Variants in ADGRG2 observed in about 807,000 individuals in gnomAD.
ADGRG2 encodes adhesion G protein-coupled receptor G2.
A neutral mutation model predicts 74.1 loss-of-function variants in ADGRG2; 26 were observed. That is an observed-to-expected ratio of 0.35 (90% CI 0.26 to 0.49). The LOEUF (loss-of-function observed/expected upper bound fraction) is 0.49. Among genes scored for constraint, ADGRG2 ranks in the 20% least tolerant of loss-of-function variants. The probability of loss-of-function intolerance (pLI) is 0.99; values close to 1 mark genes in which losing one functional copy is unlikely to be tolerated. For missense variants in ADGRG2, 619 were observed against 763.1 expected (o/e 0.81, Z 2.22); for synonymous variants, 296 against 295.2 (o/e 1.00, Z -0.03).
chrX:19,074,231 C>T (rs1008255553), intron 2 of ADGRG2, among the ~76,000 whole-genome samples: 1 of 110,329 alleles, frequency 9.1e-6, no homozygotes, highest in Non-Finnish European at 1.9e-5. Context: ...AAAGCATTTT[C>T]TTATTATTAT....
chrX:19,119,353 C>T (rs2062576705), intron 1 of ADGRG2, among the ~76,000 whole-genome samples: 1 of 112,130 alleles, frequency 8.9e-6, no homozygotes, highest in Admixed American at 9.5e-5. Flanking sequence ...CCACCTCACA[C>T]CACAATCCCA....
At chrX:19,114,470 C>T (rs2062475076) in intron 1 of ADGRG2, among the ~76,000 whole-genome samples, 1 of 111,402 alleles carries the variant, frequency 9.0e-6, no homozygotes, top group South Asian at 3.8e-4. Flanking sequence ...TCAAGCTCCC[C>T]CAGTGATTCC....
intron 1 of ADGRG2, among the ~76,000 whole-genome samples, chrX:19,115,449 C>T (rs1305238270): frequency 1.8e-5 from 2 of 111,794 alleles, no homozygotes; most frequent in Admixed American, 1.9e-4. Flanking sequence ...AGGGAATGGA[C>T]CCTTCCTGTG....
chrX:19,024,862 A>G (rs1442998486), intron 11 of ADGRG2, among the ~76,000 whole-genome samples: 3 of 112,530 alleles, frequency 2.7e-5, no homozygotes, highest in African/African-American at 9.7e-5. Context: ...AACTGTGCTC[A>G]GAGACCACCT....
chrX:19,070,967 CTTCATTCA>C (rs368910522), intron 2 of ADGRG2, among the ~76,000 whole-genome samples: 27 of 111,060 alleles, frequency 2.4e-4, no homozygotes, highest in Non-Finnish European at 3.2e-4. Context: ...TAGCTGTGCT[CTTCATTCA>C]TTCATTCATT....
rs182551127 is a variant in ADGRG2, at chrX:19,014,712, A to C, written c.711-638T>G. Among the ~76,000 whole-genome samples, 8 of 111,286 alleles carry C rather than the reference A, an allele frequency of 7.2e-5. No homozygotes were observed. In the Admixed American group the frequency reaches 7.6e-4, roughly 11 times the overall value. On this transcript the variant is annotated intron_variant, in intron 15 of 28. Transcript: ENST00000379869. ...CAGTGGCGTGATTTTGGGTCACTGC[A>C]ACCTCCGCCTCCTGGGTTCAAGTGA...
chrX:19,035,672 T>G (rs960808609), intron 7 of ADGRG2: 26 of 218,088 alleles, frequency 1.2e-4, no homozygotes, highest in Middle Eastern at 1.1e-3. Context: ...TCCATCTTTA[T>G]GAGCTAATAT....
At chrX:19,062,531 C>G (rs1477246724) in intron 3 of ADGRG2, among the ~76,000 whole-genome samples, 1 of 111,792 alleles carries the variant, frequency 8.9e-6, no homozygotes, top group Non-Finnish European at 1.9e-5. Flanking sequence ...AGATCAGTGC[C>G]ATGGTAAGCA....
intron 3 of ADGRG2, among the ~76,000 whole-genome samples, chrX:19,065,855 T>C (rs1025639347): frequency 8.9e-6 from 1 of 112,032 alleles, no homozygotes; most frequent in Admixed American, 9.5e-5. Context: ...TTAGATTTTA[T>C]TTTATTTTTT....
chrX:19,048,121 C>T (rs368155200), intron 3 of ADGRG2, among the ~76,000 whole-genome samples: 1 of 111,209 alleles, frequency 9.0e-6, no homozygotes, highest in African/African-American at 3.3e-5. Context: ...GCCCACCCAT[C>T]CCCCTGGCTC....
At chrX:19,084,065 A>G (rs1409061029) in intron 1 of ADGRG2, among the ~76,000 whole-genome samples, 4 of 112,170 alleles carry the variant, frequency 3.6e-5, no homozygotes, top group Non-Finnish European at 7.5e-5. Context: ...ATGCCCATCA[A>G]TGATAGACTG....
intron 24 of ADGRG2, among the ~76,000 whole-genome samples, chrX:19,001,041 C>CT (rs1176095766): frequency 9.0e-6 from 1 of 111,499 alleles, no homozygotes; most frequent in Non-Finnish European, 1.9e-5. Context: ...AGCGTTGTGC[C>CT]TTTAACTTAT....
chrX:19,022,212 C>T (rs145106273), intron 13 of ADGRG2, among the ~76,000 whole-genome samples: 1,903 of 107,821 alleles, frequency 0.018, 40 homozygotes, highest in African/African-American at 0.059. Context: ...TTGCAGTGAG[C>T]CGAGATCGTG....
At chrX:19,078,835 T>C (rs1049237916) in intron 2 of ADGRG2, among the ~76,000 whole-genome samples, 3 of 108,465 alleles carry the variant, frequency 2.8e-5, no homozygotes, top group African/African-American at 1.0e-4. Context: ...AAAGCCAACG[T>C]TGCTCTTTGA....
intron 2 of ADGRG2, among the ~76,000 whole-genome samples, chrX:19,080,126 T>G (rs2061821430): frequency 9.1e-6 from 1 of 109,849 alleles, no homozygotes; most frequent in Non-Finnish European, 1.9e-5. Flanking sequence ...GCCAGGCTGG[T>G]CTCGAACTCC....
At chrX:19,074,562 CTT>C (rs1212446647) in intron 2 of ADGRG2, among the ~76,000 whole-genome samples, 40 of 67,134 alleles carry the variant, frequency 6.0e-4, no homozygotes, top group African/African-American at 2.0e-3. Flanking sequence ...TCTTCTTCTT[CTT>C]TTTTTTTTTT....
intron 25 of ADGRG2, 35 bp from the exon 26 acceptor site, chrX:18,999,314 C>T: frequency 5.5e-6 from 6 of 1,091,788 alleles, no homozygotes; most frequent in Non-Finnish European, 7.4e-6. Context: ...CAGGGGAAAA[C>T]ATATTATAGT....
chrX:19,120,728 G>C (rs977427782), intron 1 of ADGRG2, among the ~76,000 whole-genome samples: 1 of 112,145 alleles, frequency 8.9e-6, no homozygotes, highest in Non-Finnish European at 1.9e-5. Flanking sequence ...AAGAATTTCA[G>C]CATTAAACCA....
intron 7 of ADGRG2, 76 bp downstream of exon 7, chrX:19,035,866 C>T (rs1351986059): frequency 5.6e-6 from 3 of 535,302 alleles, no homozygotes; most frequent in East Asian, 3.6e-5. Context: ...TCTTTAGTAA[C>T]CCAGTAGACT....
Sources: allele counts gnomAD v4.1 joint callset (sites outside exome capture counted in the v4.1 genomes callset), GRCh38; gene constraint gnomAD v4.1.1; transcripts MANE v1.5; gene names NCBI Gene and HGNC (gene_info 2026-07-23, HGNC 2026-07-21).